Variants in WRNIP1 observed in about 807,000 individuals in gnomAD.
WRNIP1 encodes ATPase WRNIP1.
Under a neutral mutation model 56.1 loss-of-function variants are expected in WRNIP1, and 41 were observed. The observed-to-expected ratio is 0.73, with a 90% confidence interval of 0.57 to 0.95. The LOEUF (loss-of-function observed/expected upper bound fraction) is 0.95, where lower values mean the gene tolerates loss of function less well. Among genes scored for constraint, WRNIP1 ranks in the 40% least tolerant of loss-of-function variants. The pLI is 0.00. For synonymous variants in WRNIP1, 547 were observed against 398.1 expected (o/e 1.37, Z -4.45); for missense variants, 1,170 against 939.4 (o/e 1.25, Z -3.21).
chr6:2,765,727 C>T lies in WRNIP1; in HGVS notation c.105C>T (p.His35=), dbSNP rs763472057. ...TGCCCGCCGCGCACATCAACTCGCA[C>T]CTGGACCGCTGTCTGCTGCTCCACC... is the stretch of plus-strand genomic sequence containing the variant. The part of the protein sequence containing the change: ...QMMPAAHINS[H]LDRCLLLHPA... The change falls in exon 1 of 7, where the codon CAC becomes CAT. Residue 35 remains histidine, a synonymous_variant. Transcript: ENST00000380773. 9.8e-6 allele frequency: 15 copies of T among 1,534,066 alleles called. No homozygotes were observed. In the African/African-American group the frequency reaches 1.4e-4, roughly 15 times the overall value.
In WRNIP1 at chr6:2,766,109, C is replaced by CAGGAGG; in HGVS notation, c.497_502dup (p.Glu166_Glu167dup). The CAGGAGG allele has an allele frequency of 7.6e-7, 1 of 1,318,346 alleles. No individual in the cohort carries two copies. Among genetic ancestry groups the CAGGAGG allele is most frequent in the Non-Finnish European group, 9.6e-7 (1 of 1,041,522 alleles). The allele number at this position is 1,318,346 out of a possible 1,614,324, so 81.7% of individuals were successfully genotyped here. The stretch of plus-strand genomic sequence containing the variant: ...GCGCAGCTGGGACGAGGCGGAGGCG[C>CAGGAGG]AGGAGGAGGAGGAGGCCGTGGGCGA... On this transcript the variant is annotated inframe_insertion, in exon 1 of 7. Coordinates refer to ENST00000380773, the MANE Select transcript of WRNIP1 (RefSeq NM_020135.3).
chr6:2,769,039 T>G (rs1483140011), intron 2 of WRNIP1, among the ~76,000 whole-genome samples, 157 bp downstream of exon 2: 1 of 152,202 alleles, frequency 6.6e-6, no homozygotes, highest in Non-Finnish European at 1.5e-5. Flanking sequence ...TCCATACATT[T>G]CTTAGTGTTT....
Position 2,785,339 on chromosome 6 carries a change from A to G in WRNIP1, c.*57A>G. On this transcript the variant is annotated 3_prime_UTR_variant, in exon 7 of 7. Transcript: ENST00000380773. ...CTTTTTTAAGGGAGGGCCAGAAAGA[A>G]AGTTAGTGGATTGCAAAGTTGGTTG... is the stretch of plus-strand genomic sequence containing the variant. 1 of 1,575,876 alleles carries G rather than the reference A, an allele frequency of 6.3e-7. No homozygotes were observed. The highest frequency in any genetic ancestry group is 1.1e-5 in the South Asian group (1 of 87,148).
rs878862431 is a variant in WRNIP1, at chr6:2,786,775, T to A, written c.*1493T>A. The A allele has an allele frequency of 1.3e-5, 2 of 152,224 alleles. No homozygotes were observed. The highest frequency in any genetic ancestry group is 1.3e-4 in the Admixed American group (2 of 15,284). 9.4% of individuals were successfully genotyped at this position (152,224 alleles called of 1,614,324 possible). ...TGTGTGTGGTCTTTTGTTTGTAACC[T>A]CTATCAACTTGTAGACTCTTCTGTC... On this transcript the variant is annotated 3_prime_UTR_variant, in exon 7 of 7. Transcript: ENST00000380773.
In WRNIP1 at chr6:2,786,124, C is replaced by T. The variant is rs1765705608; in HGVS notation, c.*842C>T. 6.6e-6 allele frequency: 1 copy of T among 152,328 alleles called. No homozygotes were observed. Among genetic ancestry groups the T allele is most frequent in the Admixed American group, 6.5e-5 (1 of 15,286 alleles). The allele number at this position is 152,328 out of a possible 1,614,324, so 9.4% of individuals were successfully genotyped here. A position where few individuals can be genotyped will look rare whatever the true frequency, so the allele number is the denominator to read the frequency against. On this transcript the variant is annotated 3_prime_UTR_variant, in exon 7 of 7. Coordinates refer to ENST00000380773, the MANE Select transcript of WRNIP1 (RefSeq NM_020135.3). ...TTGTCCCTACTGCTACTTCCTCTCC[C>T]TCTCCTTAGTTGCATGTCGTGCATA...
At chr6:2,767,381 T>A (rs987163546) in intron 1 of WRNIP1, among the ~76,000 whole-genome samples, 2 of 152,236 alleles carry the variant, frequency 1.3e-5, no homozygotes, top group Non-Finnish European at 2.9e-5. Context: ...AGCTTTGAGA[T>A]TCAGACTCGT....
At chr6:2,779,581 G>C in intron 4 of WRNIP1, 89 bp downstream of exon 4, 1 of 1,384,366 alleles carries the variant, frequency 7.2e-7, no homozygotes, top group Non-Finnish European at 9.8e-7. Context: ...CTGGGTTCCG[G>C]AAGCATTCCA....
intron 2 of WRNIP1, 28 bp from the exon 3 acceptor site, chr6:2,770,092 C>G (rs775650347): frequency 6.2e-7 from 1 of 1,612,592 alleles, no homozygotes. Context: ...ACTGGAATCA[C>G]TTTTTTCTGT....
chr6:2,779,139 A>C, intron 3 of WRNIP1, 124 bp from the exon 4 acceptor site: 1 of 971,174 alleles, frequency 1.0e-6, no homozygotes, highest in Non-Finnish European at 1.5e-6. Flanking sequence ...CAAAGGTGAG[A>C]ATAAGAGGCA....
intron 2 of WRNIP1, among the ~76,000 whole-genome samples, chr6:2,769,521 T>G (rs1024131187): frequency 6.6e-6 from 1 of 152,198 alleles, no homozygotes; most frequent in Non-Finnish European, 1.5e-5. Flanking sequence ...TTTGTAACTT[T>G]TTAATCATAC....
At chr6:2,782,132 C>G (rs557806439) in intron 4 of WRNIP1, among the ~76,000 whole-genome samples, 1 of 152,372 alleles carries the variant, frequency 6.6e-6, no homozygotes, top group South Asian at 2.1e-4. Context: ...CCCTCTTCCC[C>G]GCCTTCCTCC....
At chr6:2,771,403 T>G (rs1418629906) in intron 3 of WRNIP1, among the ~76,000 whole-genome samples, 1 of 152,206 alleles carries the variant, frequency 6.6e-6, no homozygotes, top group Non-Finnish European at 1.5e-5. Context: ...AATACCGTTG[T>G]GATGGGGATA....
intron 3 of WRNIP1, chr6:2,773,695 T>TCCTGCACTACTTGCTGC (rs371465396): frequency 2.0e-6 from 2 of 985,212 alleles, no homozygotes; most frequent in African/African-American, 1.7e-5. Context: ...CATTTCGTCA[T>TCCTGCACTACTTGCTGC]CCTGCACTAC....
In WRNIP1 at chr6:2,786,584, G is replaced by C. The variant is rs1765720101; in HGVS notation, c.*1302G>C. The C allele has an allele frequency of 6.6e-6, 1 of 152,240 alleles. No homozygotes were observed. The highest frequency in any genetic ancestry group is 1.9e-4 in the East Asian group (1 of 5,196). 9.4% of individuals were successfully genotyped at this position (152,240 alleles called of 1,614,324 possible). On this transcript the variant is annotated 3_prime_UTR_variant, in exon 7 of 7. Coordinates refer to ENST00000380773, the MANE Select transcript of WRNIP1 (RefSeq NM_020135.3). Reference sequence around the variant, plus strand: ...ACCCTCTAGTAGCTTTATGGAGCAGGGGTGTGTGGAGGAAAAGTATTTTTA... The same window carrying C: ...ACCCTCTAGTAGCTTTATGGAGCAGCGGTGTGTGGAGGAAAAGTATTTTTA...
chr6:2,765,678 A>T lies in WRNIP1; in HGVS notation c.56A>T (p.Gln19Leu). 6.4e-7 allele frequency: 1 copy of T among 1,553,268 alleles called. No homozygotes were observed. Among genetic ancestry groups the T allele is most frequent in the Non-Finnish European group, 8.6e-7 (1 of 1,157,878 alleles). ...DPFLSQLHQV[Q>L]CPVCQQMMPA... ...TTCCTTTCGCAGCTGCACCAGGTGC[A>T]GTGCCCCGTGTGCCAGCAGATGATG... is the stretch of plus-strand genomic sequence containing the variant. The change falls in exon 1 of 7, where the codon CAG (glutamine) becomes CTG (leucine). Residue 19 changes from glutamine (Q) to leucine (L), a missense_variant. Transcript: ENST00000380773.
At position 2,765,792 on chromosome 6, in the gene WRNIP1, C is replaced by T. The variant is rs1331229187; in HGVS notation, c.170C>T (p.Ala57Val). ...GAGCCCGCGGCCGGGTCGCACCGCG[C>T]CGGGGAGCGGGCCAAGGGGCCCTCG... ...HAEPAAGSHRAGERAKGPSPP... is the reference protein window; with the variant it reads ...HAEPAAGSHRVGERAKGPSPP... Residue 57 changes from alanine (A) to valine (V), a missense_variant, in exon 1 of 7, where the codon GCC becomes GTC. By Grantham distance (64) the Ala-to-Val change is moderately conservative (BLOSUM62 0). Transcript: ENST00000380773. The T allele has an allele frequency of 7.1e-7, 1 of 1,416,964 alleles. No homozygotes were observed. The highest frequency in any genetic ancestry group is 9.2e-7 in the Non-Finnish European group (1 of 1,086,240). The allele number at this position is 1,416,964 out of a possible 1,614,324, so 87.8% of individuals were successfully genotyped here.
Position 2,765,524 on chromosome 6 carries a change from G to A in WRNIP1, c.-99G>A, listed in dbSNP as rs1764899455. ...AGCGTCCTGCTGGTTCCCCGAGCGA[G>A]GGTCTCGCGGCGCGGGGCCTAGCGG... On this transcript the variant is annotated 5_prime_UTR_variant, in exon 1 of 7. Coordinates refer to ENST00000380773, the MANE Select transcript of WRNIP1 (RefSeq NM_020135.3). The A allele has an allele frequency of 6.2e-6, 8 of 1,293,424 alleles. No homozygotes were observed. In the East Asian group the frequency reaches 1.0e-4, roughly 16 times the overall value. 80.1% of individuals were successfully genotyped at this position (1,293,424 alleles called of 1,614,324 possible).
intron 4 of WRNIP1, among the ~76,000 whole-genome samples, chr6:2,783,097 C>T (rs1231427404): frequency 6.6e-6 from 1 of 152,116 alleles, no homozygotes; most frequent in Non-Finnish European, 1.5e-5. Flanking sequence ...CCACTCTTGT[C>T]TCTGGCAAAT....
chr6:2,783,673 G>GCCC, intron 5 of WRNIP1, 112 bp downstream of exon 5: 4 of 404,228 alleles, frequency 9.9e-6, no homozygotes, highest in African/African-American at 2.2e-5. Flanking sequence ...GGTGGGCGGG[G>GCCC]GTAGCAGGAA....
Sources: allele counts gnomAD v4.1 joint callset (sites outside exome capture counted in the v4.1 genomes callset), GRCh38; gene constraint gnomAD v4.1.1; transcripts MANE v1.5; gene names NCBI Gene and HGNC (gene_info 2026-07-23, HGNC 2026-07-21).